The following RHBG variants were observed in gnomAD, a reference collection of about 807,000 sequenced individuals.
The protein encoded by RHBG is ammonium transporter Rh type B.
Under a neutral mutation model 40.1 loss-of-function variants are expected in RHBG, and 39 were observed. The observed-to-expected ratio is 0.97, with a 90% CI of 0.75 to 1.27. The LOEUF (loss-of-function observed/expected upper bound fraction) is 1.27, where lower values mean the gene tolerates loss of function less well. Ranked by LOEUF, RHBG falls within the 50% of genes most tolerant of loss-of-function variation. The pLI, the probability that RHBG is intolerant of heterozygous loss-of-function variation, is 0.00. For missense variants in RHBG, 549 were observed against 588.1 expected (o/e 0.93, Z 0.69); for synonymous variants, 237 against 252.5 (o/e 0.94, Z 0.58).
intron 4 of RHBG, among the ~76,000 whole-genome samples, chr1:156,379,920 C>A (rs1667499126): frequency 1.3e-5 from 2 of 152,074 alleles, no homozygotes; most frequent in African/African-American, 4.8e-5. Context: ...AATGGGCTTC[C>A]AGTTCTTTCC....
chr1:156,382,476 C>T, intron 7 of RHBG: 1 of 628,378 alleles, frequency 1.6e-6, no homozygotes, highest in South Asian at 1.9e-5. Context: ...TCTATTTTTG[C>T]ACATCAAGGG....
At position 156,381,526 on chromosome 1, in the gene RHBG, G is replaced by C; in HGVS notation, c.840+13G>C. ...GAGGCTTGACATGGTATGGGGAAGA[G>C]GACTTCAGAGAGGCAGAGGGGGTGG... is the stretch of plus-strand genomic sequence containing the variant. On this transcript the variant is annotated intron_variant, in intron 5 of 9. Transcript: ENST00000537040. 6.3e-7 allele frequency: 1 copy of C among 1,595,326 alleles called. No homozygotes were observed. The highest frequency in any genetic ancestry group is 8.5e-7 in the Non-Finnish European group (1 of 1,169,618).
chr1:156,379,688 C>A (rs1047812751), intron 4 of RHBG, among the ~76,000 whole-genome samples: 1 of 152,182 alleles, frequency 6.6e-6, no homozygotes, highest in Non-Finnish European at 1.5e-5. Flanking sequence ...AACGCTCCAC[C>A]TACAGGATGC....
chr1:156,384,801 G>C lies in RHBG; in HGVS notation c.1333G>C (p.Ala445Pro). 6.2e-7 allele frequency: 1 copy of C among 1,614,038 alleles called. No homozygotes were observed. The highest frequency in any genetic ancestry group is 1.1e-5 in the South Asian group (1 of 91,032). The change falls in exon 10 of 10, where the codon GCC becomes CCC. Residue 445 changes from alanine (A) to proline (P), a missense_variant. Physicochemically the swap from Ala to Pro is conservative, Grantham distance 27 (BLOSUM62 -1). Coordinates refer to ENST00000537040, the MANE Select transcript of RHBG (RefSeq NM_020407.5). ...GGTGCCTGGCGAGCATGAGGATAAA[G>C]CCCAGAGACCTCTGAGGGTGGAGGA... is the stretch of plus-strand genomic sequence containing the variant. ...WQVPGEHEDKAQRPLRVEEAD... is the reference protein window; with the variant it reads ...WQVPGEHEDKPQRPLRVEEAD...
At chr1:156,380,381 A>G (rs3001787) in intron 4 of RHBG, among the ~76,000 whole-genome samples, 56,854 of 151,702 alleles carry the variant, frequency 0.37, 11,246 homozygotes, top group Non-Finnish European at 0.45. Flanking sequence ...GATTATAGGC[A>G]TGACCCACTG....
rs1209895155 is a variant in RHBG at position 156,384,618 on chromosome 1, T to C, written c.1308+18T>C. Reference sequence around the variant, plus strand: ...ACTGGCAGGTGAGACATTGCTGGGCTCTCACACCCTCTGAGTCTCCCTTCC... The same window carrying C: ...ACTGGCAGGTGAGACATTGCTGGGCCCTCACACCCTCTGAGTCTCCCTTCC... On this transcript the variant is annotated intron_variant, in intron 9 of 9. Transcript: ENST00000537040. 3 of 1,561,522 alleles carry C rather than the reference T, an allele frequency of 1.9e-6. No individual in the cohort carries two copies. The highest frequency in any genetic ancestry group is 2.6e-6 in the Non-Finnish European group (3 of 1,150,370).
In RHBG at chr1:156,369,417, AT is replaced by A; in HGVS notation, c.172del (p.Tyr58ThrfsTer69). 6.2e-7 allele frequency: 1 copy of A among 1,613,038 alleles called. No individual in the cohort carries two copies. Among genetic ancestry groups the A allele is most frequent in the South Asian group, 1.1e-5 (1 of 90,962 alleles). ...GCAACCACAGTAACGCGGACAATGA[AT>A]TTTACTTTCGCTACCCAAGTGAGTG... ...RSNHSNADNEFYFRYPSFQDV... is the reference protein window; with the variant it reads ...RSNHSNADNEXYFRYPSFQDV... On this transcript the variant is annotated frameshift_variant, in exon 1 of 10. Coordinates refer to ENST00000537040, the MANE Select transcript of RHBG (RefSeq NM_020407.5). LOFTEE classifies it high-confidence loss of function.
At chr1:156,371,307 C>G (rs868015211) in intron 1 of RHBG, 1 of 318,390 alleles carries the variant, frequency 3.1e-6, no homozygotes, top group African/African-American at 2.3e-5. Context: ...TTACAGGCAC[C>G]CACCAAAACA....
At position 156,382,189 on chromosome 1, in the gene RHBG, CT is replaced by C. The variant is rs751733587; in HGVS notation, c.1102del (p.Tyr368ThrfsTer12). ...VLVAGLATHEAYGDGLESVFP... is the reference protein window; with the variant it reads ...VLVAGLATHEXYGDGLESVFP... Reference sequence around the variant, plus strand: ...GTGGCTGGACTTGCCACCCATGAAGCTTACGGAGATGGGTGAGTTTCCTCCC... The same window carrying C: ...GTGGCTGGACTTGCCACCCATGAAGCTACGGAGATGGGTGAGTTTCCTCCC... On this transcript the variant is annotated frameshift_variant, in exon 7 of 10. Coordinates refer to ENST00000537040, the MANE Select transcript of RHBG (RefSeq NM_020407.5). LOFTEE classifies it high-confidence loss of function. 1 of 1,614,130 alleles carries C rather than the reference CT, an allele frequency of 6.2e-7. No homozygotes were observed. Among genetic ancestry groups the C allele is most frequent in the South Asian group, 1.1e-5 (1 of 91,082 alleles).
intron 1 of RHBG, chr1:156,371,210 A>C: frequency 2.5e-6 from 1 of 395,654 alleles, no homozygotes; most frequent in Non-Finnish European, 4.8e-6. Context: ...CCCAGGCTGG[A>C]GTGCAACGGC....
intron 1 of RHBG, chr1:156,371,274 C>T (rs1234558131): frequency 3.2e-5 from 10 of 315,332 alleles, no homozygotes; most frequent in East Asian, 1.3e-4. Flanking sequence ...ATTCACCCGC[C>T]TCAGCCTCCC....
intron 1 of RHBG, chr1:156,374,563 T>C (rs1043005466): frequency 2.9e-5 from 13 of 442,812 alleles, no homozygotes; most frequent in African/African-American, 2.2e-4. Context: ...GTTCCATCCA[T>C]GTTGCCACGA....
chr1:156,371,147 A>G (rs1312285462), intron 1 of RHBG: 1 of 429,272 alleles, frequency 2.3e-6, no homozygotes, highest in Non-Finnish European at 4.6e-6. Context: ...TCCAGCTCTC[A>G]TTACCTTATT....
intron 1 of RHBG, among the ~76,000 whole-genome samples, chr1:156,376,609 C>T (rs1332538381): frequency 3.3e-5 from 5 of 152,156 alleles, no homozygotes; most frequent in African/African-American, 1.2e-4. Flanking sequence ...AGCAGTCCAC[C>T]CGCCTTGGCC....
intron 4 of RHBG, among the ~76,000 whole-genome samples, chr1:156,379,692 A>G (rs1667480828): frequency 6.6e-6 from 1 of 152,118 alleles, no homozygotes; most frequent in Non-Finnish European, 1.5e-5. Flanking sequence ...CTCCACCTAC[A>G]GGATGCAAAT....
Position 156,385,189 on chromosome 1 carries a change from G to T in RHBG, c.*344G>T, listed in dbSNP as rs1667959803. The T allele has an allele frequency of 4.3e-6, 1 of 233,560 alleles. No homozygotes were observed. Among genetic ancestry groups the T allele is most frequent in the African/African-American group, 2.2e-5 (1 of 44,952 alleles). The allele number at this position is 233,560 out of a possible 1,614,324, so 14.5% of individuals were successfully genotyped here. A position where few individuals can be genotyped will look rare whatever the true frequency, so the allele number is the denominator to read the frequency against. On this transcript the variant is annotated 3_prime_UTR_variant, in exon 10 of 10. Transcript: ENST00000537040. ...TTACAGTGAAGCCCAAGCCAGGCCTGGTTGAGGGTGATAAACGCCACTGTC... is the reference window on the plus strand; with the variant it reads ...TTACAGTGAAGCCCAAGCCAGGCCTTGTTGAGGGTGATAAACGCCACTGTC...
intron 1 of RHBG, chr1:156,371,114 G>A (rs1666823530): frequency 2.3e-6 from 1 of 425,710 alleles, no homozygotes; most frequent in Non-Finnish European, 4.6e-6. Flanking sequence ...GGCCTAGAGT[G>A]TGAGAGTCTC....
chr1:156,382,585 G>T (rs1422523037), intron 7 of RHBG, 163 bp from the exon 8 acceptor site: 1 of 849,500 alleles, frequency 1.2e-6, no homozygotes, highest in African/African-American at 1.7e-5. Context: ...CCTGGCTTGA[G>T]CAGTGGCCTG....
At chr1:156,382,384 T>TGCA in intron 7 of RHBG, 183 bp downstream of exon 7, 1 of 775,348 alleles carries the variant, frequency 1.3e-6, no homozygotes, top group East Asian at 2.7e-5. Context: ...CTCTATCAAG[T>TGCA]GCAGCAGAAG....
Sources: gnomAD v4.1 joint callset for allele counts (sites outside exome capture counted in the v4.1 genomes callset) on GRCh38, gnomAD v4.1.1 for gene constraint, MANE v1.5 for transcripts, NCBI Gene and HGNC (gene_info 2026-07-23, HGNC 2026-07-21) for gene names.